Variants in ZFPM2 observed in about 807,000 individuals in gnomAD.
ZFPM2 encodes zinc finger protein ZFPM2.
Under a neutral mutation model 98.6 loss-of-function variants are expected in ZFPM2, and 20 were observed. The ratio of observed to expected loss-of-function variants is 0.20; its 90% CI spans 0.14 to 0.29. The LOEUF is 0.29. Among genes scored for constraint, ZFPM2 ranks in the 10% least tolerant of loss-of-function variants. ZFPM2 has a pLI of 1.00. For synonymous variants in ZFPM2, 518 were observed against 502.7 expected (o/e 1.03, Z -0.41); for missense variants, 1,310 against 1,388.6 (o/e 0.94, Z 0.90).
At chr8:105,772,212 G>A (rs1205881646) in intron 5 of ZFPM2, among the ~76,000 whole-genome samples, 1 of 152,162 alleles carries the variant, frequency 6.6e-6, no homozygotes, top group Non-Finnish European at 1.5e-5. Flanking sequence ...TGAGGGTTGA[G>A]AATGTAGTGT....
chr8:105,382,907 A>G (rs953952424), intron 1 of ZFPM2, among the ~76,000 whole-genome samples: 5 of 152,118 alleles, frequency 3.3e-5, no homozygotes, highest in African/African-American at 1.2e-4. Context: ...GTGGAACATT[A>G]AAGGTGTAGA....
At chr8:105,510,530 G>T (rs1364758991) in intron 3 of ZFPM2, among the ~76,000 whole-genome samples, 2 of 151,958 alleles carry the variant, frequency 1.3e-5, no homozygotes, top group Non-Finnish European at 2.9e-5. Context: ...ACTGATTATG[G>T]TTAAAATATG....
At chr8:105,447,372 A>T (rs970345368) in intron 3 of ZFPM2, among the ~76,000 whole-genome samples, 12 of 151,980 alleles carry the variant, frequency 7.9e-5, no homozygotes, top group African/African-American at 2.2e-4. Context: ...TTTGTAAAAA[A>T]TAGAAAATAA....
At chr8:105,769,991 C>G (rs193248732) in intron 5 of ZFPM2, among the ~76,000 whole-genome samples, 8 of 152,116 alleles carry the variant, frequency 5.3e-5, no homozygotes, top group Admixed American at 2.0e-4. Flanking sequence ...TAAAAACATT[C>G]TCTTTTTCCC....
At chr8:105,619,028 A>G (rs1328424467) in intron 4 of ZFPM2, among the ~76,000 whole-genome samples, 2 of 152,174 alleles carry the variant, frequency 1.3e-5, no homozygotes, top group Admixed American at 6.5e-5. Context: ...AGGTGCATGG[A>G]TTAAACCAAA....
intron 6 of ZFPM2, among the ~76,000 whole-genome samples, chr8:105,793,403 G>A (rs1303963059): frequency 1.3e-5 from 2 of 152,144 alleles, no homozygotes; most frequent in African/African-American, 4.8e-5. Flanking sequence ...TAAGAATGTT[G>A]AATATTGGCT....
At chr8:105,539,695 A>T (rs1316036387) in intron 3 of ZFPM2, among the ~76,000 whole-genome samples, 1 of 152,146 alleles carries the variant, frequency 6.6e-6, no homozygotes, top group Non-Finnish European at 1.5e-5. Flanking sequence ...TTTATTGCAA[A>T]GTTATAATTA....
intron 1 of ZFPM2, among the ~76,000 whole-genome samples, chr8:105,382,421 T>G (rs1001092769): frequency 6.6e-6 from 1 of 152,162 alleles, no homozygotes; most frequent in African/African-American, 2.4e-5. Flanking sequence ...TTAGGAAATA[T>G]CAAACTATAG....
chr8:105,703,153 T>G (rs1377637294), intron 5 of ZFPM2, among the ~76,000 whole-genome samples: 2 of 152,080 alleles, frequency 1.3e-5, no homozygotes, highest in East Asian at 3.9e-4. Flanking sequence ...TGACTCACAT[T>G]AAGAAAAATG....
chr8:105,540,799 C>T (rs767432490), intron 3 of ZFPM2, among the ~76,000 whole-genome samples: 3 of 152,118 alleles, frequency 2.0e-5, no homozygotes, highest in Non-Finnish European at 4.4e-5. Flanking sequence ...GAAATATGAA[C>T]ATATGGCTGA....
chr8:105,569,929 C>T (rs1008822617), intron 4 of ZFPM2, among the ~76,000 whole-genome samples: 9 of 152,070 alleles, frequency 5.9e-5, no homozygotes, highest in South Asian at 4.1e-4. Flanking sequence ...TGATGGGAAC[C>T]GTAAGAGCAA....
chr8:105,558,072 A>T (rs1815040583), intron 3 of ZFPM2, among the ~76,000 whole-genome samples: 4 of 151,706 alleles, frequency 2.6e-5, no homozygotes, highest in African/African-American at 9.7e-5. Flanking sequence ...TGGTGTAAAA[A>T]TCTTACTTTT....
chr8:105,793,735 G>T (rs1011919007), intron 6 of ZFPM2, among the ~76,000 whole-genome samples: 1 of 152,014 alleles, frequency 6.6e-6, no homozygotes, highest in Admixed American at 6.6e-5. Flanking sequence ...ATCAGACGTA[G>T]ATTTGGTCTT....
At chr8:105,585,999 AGG>A (rs201076605) in intron 4 of ZFPM2, among the ~76,000 whole-genome samples, 1 of 108,314 alleles carries the variant, frequency 9.2e-6, no homozygotes, top group Non-Finnish European at 2.0e-5. Flanking sequence ...TGTGGGGGGA[AGG>A]GGTGTGTGTG....
intron 1 of ZFPM2, among the ~76,000 whole-genome samples, chr8:105,364,001 T>C (rs1366178982): frequency 6.6e-6 from 1 of 152,008 alleles, no homozygotes; most frequent in African/African-American, 2.4e-5. Flanking sequence ...AAAAGAAAAT[T>C]TGTAGAGAAA....
chr8:105,336,727 C>T (rs908929820), intron 1 of ZFPM2, among the ~76,000 whole-genome samples: 4 of 149,576 alleles, frequency 2.7e-5, no homozygotes, highest in African/African-American at 1.0e-4. Context: ...CACACACACA[C>T]ACAGACATAT....
At chr8:105,603,214 A>G (rs1229611066) in intron 4 of ZFPM2, among the ~76,000 whole-genome samples, 1 of 152,116 alleles carries the variant, frequency 6.6e-6, no homozygotes, top group Non-Finnish European at 1.5e-5. Context: ...GGCATAGAGC[A>G]TTTTACAGCA....
intron 1 of ZFPM2, chr8:105,387,731 G>C (rs1200603310): frequency 3.9e-5 from 6 of 155,824 alleles, no homozygotes; most frequent in Non-Finnish European, 5.6e-5. Context: ...CCCAGGAAGG[G>C]GCTCCACCGT....
At chr8:105,687,265 T>A (rs1429303857) in intron 5 of ZFPM2, among the ~76,000 whole-genome samples, 1 of 152,200 alleles carries the variant, frequency 6.6e-6, no homozygotes, top group East Asian at 1.9e-4. Flanking sequence ...TATGCTGTTG[T>A]TGTTGAGTCA....
Sources: gnomAD v4.1 joint callset for allele counts (sites outside exome capture counted in the v4.1 genomes callset) on GRCh38, gnomAD v4.1.1 for gene constraint, MANE v1.5 for transcripts, NCBI Gene and HGNC (gene_info 2026-07-23, HGNC 2026-07-21) for gene names.